Variants in NAV2 observed in about 807,000 individuals in gnomAD.
The protein encoded by NAV2 is helicase, APC down-regulated 1.
NAV2 carries 54 observed loss-of-function variants against 223.2 expected under a neutral mutation model. That is an observed-to-expected ratio of 0.24 (90% confidence interval 0.19 to 0.30). NAV2 has a LOEUF of 0.30. Ranked by LOEUF, NAV2 falls within the 10% of genes least tolerant of loss-of-function variation. NAV2 has a pLI of 1.00. For missense variants in NAV2, 2,806 were observed against 3,147.5 expected (o/e 0.89, Z 2.60); for synonymous variants, 1,279 against 1,239.3 (o/e 1.03, Z -0.67).
intron 10 of NAV2, among the ~76,000 whole-genome samples, chr11:19,983,875 T>C (rs2050518967): frequency 6.6e-6 from 1 of 152,228 alleles, no homozygotes; most frequent in Non-Finnish European, 1.5e-5. Context: ...CGTAGGTACC[T>C]GTGAGTTTGG....
At chr11:19,541,323 T>C (rs16936945) in intron 1 of NAV2, among the ~76,000 whole-genome samples, 11,651 of 152,280 alleles carry the variant, frequency 0.077, 1,509 homozygotes, top group African/African-American at 0.27. Flanking sequence ...TGCTTTCCCA[T>C]GGCAGGGAGA....
At chr11:19,904,656 C>A (rs1034094578) in intron 6 of NAV2, among the ~76,000 whole-genome samples, 3 of 152,038 alleles carry the variant, frequency 2.0e-5, no homozygotes, top group African/African-American at 7.2e-5. Flanking sequence ...TAGCTTTTTT[C>A]TTCTCTCTCT....
intron 24 of NAV2, among the ~76,000 whole-genome samples, chr11:20,078,525 C>G (rs965449656): frequency 6.6e-6 from 1 of 152,204 alleles, no homozygotes; most frequent in African/African-American, 2.4e-5. Flanking sequence ...GTGGTGCAAT[C>G]TTGGCTCACT....
chr11:19,886,901 CT>C (rs1462218674), intron 5 of NAV2, among the ~76,000 whole-genome samples: 1 of 152,174 alleles, frequency 6.6e-6, no homozygotes, highest in Non-Finnish European at 1.5e-5. Context: ...TTGAGATACG[CT>C]TTTGTCTCTG....
At chr11:19,466,473 C>T (rs1341826358) in intron 1 of NAV2, among the ~76,000 whole-genome samples, 1 of 152,198 alleles carries the variant, frequency 6.6e-6, no homozygotes, top group East Asian at 1.9e-4. Context: ...GGTGCCAAAG[C>T]CAGCTGCTGC....
chr11:19,491,776 T>C (rs1363320536), intron 1 of NAV2, among the ~76,000 whole-genome samples: 1 of 152,262 alleles, frequency 6.6e-6, no homozygotes, highest in Non-Finnish European at 1.5e-5. Context: ...AAAAAGCCTA[T>C]CTTTTAGCTT....
At chr11:19,861,481 C>T (rs535517460) in intron 3 of NAV2, among the ~76,000 whole-genome samples, 4 of 152,166 alleles carry the variant, frequency 2.6e-5, no homozygotes, top group East Asian at 1.9e-4. Context: ...TAAAAACTAC[C>T]GGTTGTTGGG....
At chr11:19,634,864 C>G (rs1224940528) in intron 1 of NAV2, among the ~76,000 whole-genome samples, 1 of 152,144 alleles carries the variant, frequency 6.6e-6, no homozygotes, top group African/African-American at 2.4e-5. Flanking sequence ...TAATTAGGAA[C>G]TATCTAGGCA....
At chr11:20,114,972 C>T (rs1167456895) in intron 37 of NAV2, among the ~76,000 whole-genome samples, 177 bp downstream of exon 37, 1 of 152,208 alleles carries the variant, frequency 6.6e-6, no homozygotes, top group Non-Finnish European at 1.5e-5. Flanking sequence ...TAGTTTTTCA[C>T]TAAAAACTTC....
Position 20,054,164 on chromosome 11 carries a change from C to T in NAV2, c.4566C>T (p.Thr1522=), listed in dbSNP as rs770725905. ...RSHSAGGLQD[T]AANSPFSSGS... is the part of the protein sequence containing the mutation. ...ATTCTGCAGGAGGCCTTCAGGACACCGCTGCCAATTCCCCCTTTTCCTCTG... is the reference window on the plus strand; with the variant it reads ...ATTCTGCAGGAGGCCTTCAGGACACTGCTGCCAATTCCCCCTTTTCCTCTG... The change falls in exon 18 of 38, where the codon ACC becomes ACT. Residue 1522 remains threonine, a synonymous_variant. Transcript: ENST00000349880. 1.5e-5 allele frequency: 24 copies of T among 1,613,562 alleles called. No individual in the cohort carries two copies. The highest frequency in any genetic ancestry group is 1.6e-4 in the Middle Eastern group (1 of 6,084).
At chr11:19,999,650 C>T (rs534390685) in intron 11 of NAV2, among the ~76,000 whole-genome samples, 18 of 152,268 alleles carry the variant, frequency 1.2e-4, no homozygotes, top group East Asian at 1.9e-4. Flanking sequence ...GGATTACAGG[C>T]GTGAGTCACC....
chr11:19,355,422 G>T (rs1479394184), intron 1 of NAV2, among the ~76,000 whole-genome samples: 1 of 152,062 alleles, frequency 6.6e-6, no homozygotes, highest in East Asian at 1.9e-4. Flanking sequence ...AATTTCTAGG[G>T]TTGGCTGAAC....
chr11:19,752,297 C>T lies in NAV2; in HGVS notation c.267+38335C>T, dbSNP rs1358153052. 2.0e-5 allele frequency among the ~76,000 whole-genome samples: 3 copies of T among 152,306 alleles called. No individual in the cohort carries two copies. In the South Asian group the frequency reaches 6.2e-4, roughly 32 times the overall value. On this transcript the variant is annotated intron_variant, in intron 1 of 37. Transcript: ENST00000349880. ...GAGCCCTGGCCTGGGTACCTGTGCA[C>T]TTATTTTCACCTGGAGGGCCACACT...
intron 1 of NAV2, among the ~76,000 whole-genome samples, chr11:19,469,354 G>A (rs1006605639): frequency 2.6e-5 from 4 of 152,202 alleles, no homozygotes; most frequent in Admixed American, 2.6e-4. Context: ...TATGGGAAGA[G>A]GTGGAGAATA....
chr11:19,512,552 A>AC (rs1488160866), intron 1 of NAV2, among the ~76,000 whole-genome samples: 2 of 152,212 alleles, frequency 1.3e-5, no homozygotes, highest in African/African-American at 4.8e-5. Flanking sequence ...CCACAAGGTA[A>AC]CTGTTCTGCA....
chr11:19,877,208 C>T (rs2062892994), intron 4 of NAV2, among the ~76,000 whole-genome samples: 1 of 151,532 alleles, frequency 6.6e-6, no homozygotes, highest in African/African-American at 2.4e-5. Context: ...TACTCACTTC[C>T]CATATTGTAA....
chr11:19,361,118 G>A (rs1357774660), intron 1 of NAV2, among the ~76,000 whole-genome samples: 1 of 151,782 alleles, frequency 6.6e-6, no homozygotes, highest in Admixed American at 6.6e-5. Context: ...AATGAGGATG[G>A]CAATAGTTTC....
At chr11:19,441,220 G>A (rs1457708877) in intron 1 of NAV2, among the ~76,000 whole-genome samples, 1 of 152,196 alleles carries the variant, frequency 6.6e-6, no homozygotes, top group Admixed American at 6.5e-5. Flanking sequence ...GGACCCTGGG[G>A]ATCATCTAGG....
chr11:19,984,441 T>C (rs1490403703), intron 11 of NAV2, among the ~76,000 whole-genome samples, 194 bp downstream of exon 11: 1 of 152,130 alleles, frequency 6.6e-6, no homozygotes, highest in Non-Finnish European at 1.5e-5. Context: ...TCTTGAGTCC[T>C]GCTTCTGTGT....
Sources: allele counts gnomAD v4.1 joint callset (sites outside exome capture counted in the v4.1 genomes callset), GRCh38; gene constraint gnomAD v4.1.1; transcripts MANE v1.5; gene names NCBI Gene and HGNC (gene_info 2026-07-23, HGNC 2026-07-21).